Variants in IKBKB observed in about 807,000 individuals in gnomAD.
IKBKB encodes the protein inhibitor of nuclear factor kappa B kinase subunit beta, also known as inhibitor of nuclear factor kappa-B kinase subunit beta.
A neutral mutation model predicts 113.6 loss-of-function variants in IKBKB; 42 were observed. That is an observed-to-expected ratio of 0.37 (90% CI 0.29 to 0.48). IKBKB has a LOEUF of 0.48. IKBKB is among the 20% of genes least tolerant of loss of function. The pLI, the probability that IKBKB is intolerant of heterozygous loss-of-function variation, is 0.99. For synonymous variants in IKBKB, 296 were observed against 361.3 expected (o/e 0.82, Z 2.05); for missense variants, 673 against 939.7 (o/e 0.72, Z 3.71).
At chr8:42,296,727 T>A (rs916252184) in intron 5 of IKBKB, among the ~76,000 whole-genome samples, 31 of 152,172 alleles carry the variant, frequency 2.0e-4, no homozygotes, top group Admixed American at 1.4e-3. Context: ...AGTTTTTTTT[T>A]AAAATCAAAT....
intron 2 of IKBKB, among the ~76,000 whole-genome samples, chr8:42,285,261 G>A (rs1212176181): frequency 6.6e-6 from 1 of 152,126 alleles, no homozygotes; most frequent in African/African-American, 2.4e-5. Context: ...ATAGCAACAA[G>A]GTGGCCGGGT....
At chr8:42,296,474 A>T (rs1176904279) in intron 5 of IKBKB, among the ~76,000 whole-genome samples, 1 of 152,206 alleles carries the variant, frequency 6.6e-6, no homozygotes, top group African/African-American at 2.4e-5. Context: ...TACTAAACGT[A>T]CAAAAAACCC....
chr8:42,284,743 G>A (rs749869932), intron 2 of IKBKB, among the ~76,000 whole-genome samples: 26 of 152,152 alleles, frequency 1.7e-4, no homozygotes, highest in Non-Finnish European at 3.2e-4. Flanking sequence ...TGAGCACTGT[G>A]GGGAAGTGAA....
intron 9 of IKBKB, among the ~76,000 whole-genome samples, chr8:42,315,646 T>C (rs1198988938): frequency 1.3e-5 from 2 of 150,790 alleles, no homozygotes; most frequent in East Asian, 2.0e-4. Flanking sequence ...TCATGGGTTA[T>C]TCTTTTTCCC....
intron 5 of IKBKB, among the ~76,000 whole-genome samples, chr8:42,300,483 G>T (rs192298514): frequency 1.3e-5 from 2 of 152,330 alleles, no homozygotes; most frequent in East Asian, 3.9e-4. Flanking sequence ...GTGATAGATA[G>T]AGATTCATGG....
intron 12 of IKBKB, 105 bp from the exon 13 acceptor site, chr8:42,318,447 G>A: frequency 7.8e-7 from 1 of 1,282,898 alleles, no homozygotes; most frequent in Non-Finnish European, 1.1e-6. Context: ...TCCTATAGTA[G>A]GTACAAAACG....
chr8:42,277,633 C>A lies in IKBKB; in HGVS notation c.105+5428C>A, dbSNP rs1006444460. 2.0e-5 allele frequency among the ~76,000 whole-genome samples: 3 copies of A among 152,296 alleles called. No homozygotes were observed. In the South Asian group the frequency reaches 6.2e-4, roughly 32 times the overall value. On this transcript the variant is annotated intron_variant, in intron 2 of 21. Coordinates refer to ENST00000520810, the MANE Select transcript of IKBKB (RefSeq NM_001556.3). Reference sequence around the variant, plus strand: ...TGAGCCCTCTTGCCGGACAGGCCTCCCCCTCCTCCACATTCCTCCAGGACC... The same window carrying A: ...TGAGCCCTCTTGCCGGACAGGCCTCACCCTCCTCCACATTCCTCCAGGACC...
intron 20 of IKBKB, among the ~76,000 whole-genome samples, chr8:42,328,177 C>G (rs1236328758): frequency 1.3e-5 from 2 of 150,228 alleles, no homozygotes; most frequent in Non-Finnish European, 3.0e-5. Flanking sequence ...GAACTCCCGA[C>G]CTTGGGTGAT....
At chr8:42,312,741 C>T (rs922242269) in intron 8 of IKBKB, among the ~76,000 whole-genome samples, 1 of 152,230 alleles carries the variant, frequency 6.6e-6, no homozygotes, top group Non-Finnish European at 1.5e-5. Flanking sequence ...TCAGCCCAAG[C>T]TATAAAGCAC....
At chr8:42,290,044 G>C (rs886336181) in intron 3 of IKBKB, 112 bp from the exon 4 acceptor site, 3 of 759,112 alleles carry the variant, frequency 4.0e-6, no homozygotes, top group Admixed American at 2.3e-5. Flanking sequence ...GTCTTCCTCT[G>C]TTTCAAAGCC....
At chr8:42,273,973 C>T (rs1212708286) in intron 2 of IKBKB, among the ~76,000 whole-genome samples, 6 of 152,122 alleles carry the variant, frequency 3.9e-5, no homozygotes, top group South Asian at 2.1e-4. Context: ...ACTTGAAACA[C>T]GTATCCTTTT....
At chr8:42,299,688 G>A (rs888373988) in intron 5 of IKBKB, among the ~76,000 whole-genome samples, 1 of 152,196 alleles carries the variant, frequency 6.6e-6, no homozygotes, top group Non-Finnish European at 1.5e-5. Context: ...CTCCGTGCGT[G>A]ATTCCAAACC....
At chr8:42,329,284 G>T (rs1821365803) in intron 21 of IKBKB, 70 bp downstream of exon 21, 2 of 1,500,154 alleles carry the variant, frequency 1.3e-6, no homozygotes, top group African/African-American at 1.4e-5. Context: ...AGAGAAAATG[G>T]AAATGCAATC....
At chr8:42,293,398 G>A (rs1220122886) in intron 4 of IKBKB, 45 bp from the exon 5 acceptor site, 4 of 1,608,956 alleles carry the variant, frequency 2.5e-6, no homozygotes, top group Admixed American at 1.7e-5. Flanking sequence ...ATTTCCGGTG[G>A]TTTGTGACCA....
At chr8:42,311,581 AAAAAG>A (rs1268625502) in intron 8 of IKBKB, among the ~76,000 whole-genome samples, 13 of 151,582 alleles carry the variant, frequency 8.6e-5, no homozygotes, top group South Asian at 6.2e-4. Flanking sequence ...AAAAAAAAGA[AAAAAG>A]AAAAGAAAAA....
At chr8:42,315,336 G>T (rs1818467443) in intron 9 of IKBKB, among the ~76,000 whole-genome samples, 1 of 152,178 alleles carries the variant, frequency 6.6e-6, no homozygotes, top group Non-Finnish European at 1.5e-5. Context: ...AATGACGTGG[G>T]ATAAGCTAGA....
At chr8:42,323,272 A>G (rs904182583) in intron 19 of IKBKB, among the ~76,000 whole-genome samples, 24 of 152,358 alleles carry the variant, frequency 1.6e-4, no homozygotes, top group African/African-American at 5.8e-4. Context: ...AGGGCCACCA[A>G]TTCAGCCCAC....
At chr8:42,271,566 G>A (rs1807729899) in intron 1 of IKBKB, 97 bp downstream of exon 1, 1 of 562,018 alleles carries the variant, frequency 1.8e-6, no homozygotes, top group Non-Finnish European at 3.1e-6. Context: ...CCGCTGGGAA[G>A]TCGCAGCTTG....
intron 2 of IKBKB, among the ~76,000 whole-genome samples, chr8:42,283,193 A>G (rs1339430443): frequency 6.6e-6 from 1 of 152,166 alleles, no homozygotes; most frequent in African/African-American, 2.4e-5. Flanking sequence ...CAATTATCCA[A>G]TTTGTAGCTA....
Sources: allele counts gnomAD v4.1 joint callset (sites outside exome capture counted in the v4.1 genomes callset), GRCh38; gene constraint gnomAD v4.1.1; transcripts MANE v1.5; gene names NCBI Gene and HGNC (gene_info 2026-07-23, HGNC 2026-07-21).